Variants in GZMA observed in about 807,000 individuals in gnomAD.
GZMA encodes granzyme A, also known as CTL tryptase.
Under a neutral mutation model 21.1 loss-of-function variants are expected in GZMA, and 17 were observed. That is an observed-to-expected ratio of 0.81 (90% CI 0.55 to 1.21). GZMA has a LOEUF of 1.21. Among genes scored for constraint, GZMA ranks in the 50% most tolerant of loss-of-function variants. The pLI, the probability that GZMA is intolerant of heterozygous loss-of-function variation, is 0.00. For missense variants in GZMA, 306 were observed against 315.9 expected (o/e 0.97, Z 0.24); for synonymous variants, 90 against 107.8 (o/e 0.83, Z 1.03).
chr5:55,105,546 T>C lies in GZMA; in HGVS notation c.143T>C (p.Leu48Pro). The C allele has an allele frequency of 6.2e-7, 1 of 1,613,118 alleles. No individual in the cohort carries two copies. The highest frequency in any genetic ancestry group is 8.5e-7 in the Non-Finnish European group (1 of 1,179,126). ...HSRPYMVLLS[L>P]DRKTICAGAL... ...AGACCCTACATGGTCCTACTTAGTC[T>C]TGACAGAAAAACCATCTGTGCTGGG... The change falls in exon 2 of 5, where the codon CTT (leucine) becomes CCT (proline). Residue 48 changes from leucine (L) to proline (P), a missense_variant. By Grantham distance (98) the Leu-to-Pro change is moderately conservative. Transcript: ENST00000274306.
chr5:55,107,734 A>G (rs1742437386), intron 2 of GZMA, 60 bp from the exon 3 acceptor site: 1 of 1,366,448 alleles, frequency 7.3e-7, no homozygotes, highest in Non-Finnish European at 1.0e-6. Flanking sequence ...TGATCAGTAT[A>G]TATGCTCAAC....
rs962927734 is a variant in GZMA at position 55,110,044 on chromosome 5, G to T, written c.651G>T (p.Leu217Phe). The part of the protein sequence containing the change: ...SCNGDSGSPL[L>F]CEGVFRGVTS... ...AGGGAGATTCTGGAAGCCCTTTGTT[G>T]TGCGAGGGTGTTTTCCGAGGGGTCA... is the stretch of plus-strand genomic sequence containing the variant. Residue 217 changes from leucine to phenylalanine, a missense_variant, in exon 5 of 5, where the codon TTG becomes TTT. Leu to Phe is a conservative substitution (Grantham distance 22, BLOSUM62 0). Transcript: ENST00000274306. The T allele has an allele frequency of 1.2e-6, 2 of 1,611,174 alleles. No homozygotes were observed. Among genetic ancestry groups the T allele is most frequent in the Non-Finnish European group, 1.7e-6 (2 of 1,178,780 alleles).
chr5:55,102,949 C>T (rs1273991366), intron 1 of GZMA, among the ~76,000 whole-genome samples, 197 bp downstream of exon 1: 1 of 151,768 alleles, frequency 6.6e-6, no homozygotes, highest in African/African-American at 2.4e-5. Flanking sequence ...ATCACTTGAG[C>T]GCAGGAGTTT....
chr5:55,105,385 A>G (rs892292881), intron 1 of GZMA, 89 bp from the exon 2 acceptor site: 2 of 1,187,124 alleles, frequency 1.7e-6, no homozygotes, highest in Non-Finnish European at 2.4e-6. Flanking sequence ...CTCTGAGTGC[A>G]AAAAGCATGG....
At chr5:55,103,680 C>G (rs1006192066) in intron 1 of GZMA, among the ~76,000 whole-genome samples, 6 of 152,158 alleles carry the variant, frequency 3.9e-5, no homozygotes, top group Non-Finnish European at 8.8e-5. Context: ...ATGTAATAAC[C>G]TGCCTTGCCA....
At chr5:55,107,356 T>C (rs893405120) in intron 2 of GZMA, among the ~76,000 whole-genome samples, 11 of 152,194 alleles carry the variant, frequency 7.2e-5, no homozygotes, top group Non-Finnish European at 1.5e-4. Flanking sequence ...TTTGAGTTTG[T>C]TGTTTTCTTG....
chr5:55,107,025 C>T (rs763216429), intron 2 of GZMA, among the ~76,000 whole-genome samples: 6 of 152,018 alleles, frequency 3.9e-5, no homozygotes, highest in Admixed American at 6.5e-5. Context: ...TTTTTATTGA[C>T]ATATAATAGT....
chr5:55,105,751 T>A, intron 2 of GZMA, 133 bp downstream of exon 2: 1 of 710,452 alleles, frequency 1.4e-6, no homozygotes, highest in Non-Finnish European at 2.4e-6. Context: ...GGCAGGTGGA[T>A]CACATGAGGT....
chr5:55,108,839 G>C (rs1742457415), intron 4 of GZMA, among the ~76,000 whole-genome samples: 2 of 152,126 alleles, frequency 1.3e-5, no homozygotes, highest in African/African-American at 4.8e-5. Context: ...TGAAATGTCT[G>C]TCAAGCCTGG....
rs1580329433 is a variant in GZMA at position 55,107,917 on chromosome 5, T to C, written c.339T>C (p.Gly113=). The C allele has an allele frequency of 1.2e-6, 2 of 1,613,328 alleles. No homozygotes were observed. Among genetic ancestry groups the C allele is most frequent in the Non-Finnish European group, 1.7e-6 (2 of 1,179,466 alleles). ...GCTATGACCCAGCCACACGCGAAGG[T>C]GACCTTAAACTTTTACAGGTACGTA... The part of the protein sequence containing the change: ...YPCYDPATRE[G]DLKLLQLMEK... The change falls in exon 3 of 5, where the codon GGT becomes GGC. Residue 113 remains glycine (G), a synonymous_variant. Transcript: ENST00000274306.
intron 1 of GZMA, among the ~76,000 whole-genome samples, chr5:55,104,979 G>T (rs1303117182): frequency 6.6e-6 from 1 of 152,208 alleles, no homozygotes; most frequent in Non-Finnish European, 1.5e-5. Context: ...GGACTGAGGG[G>T]TAGGGTCACA....
intron 1 of GZMA, among the ~76,000 whole-genome samples, chr5:55,103,740 T>TATG (rs1458016554): frequency 6.6e-6 from 1 of 152,150 alleles, no homozygotes; most frequent in African/African-American, 2.4e-5. Context: ...ATATCTGGTT[T>TATG]ATGCACCTAA....
intron 4 of GZMA, among the ~76,000 whole-genome samples, chr5:55,108,622 T>C (rs948830286): frequency 3.9e-5 from 6 of 152,194 alleles, no homozygotes; most frequent in African/African-American, 1.4e-4. Context: ...ACCTACTACA[T>C]ATTTTTGATT....
rs532641156 is a variant in GZMA, at chr5:55,105,042, GT to G, written c.71-430del. Among the ~76,000 whole-genome samples, 542 of 152,308 alleles carry G rather than the reference GT, an allele frequency of 3.6e-3. 3 individuals carry two copies. The highest frequency in any genetic ancestry group is 0.013 in the African/African-American group (521 of 41,556). On this transcript the variant is annotated intron_variant, in intron 1 of 4. Transcript: ENST00000274306. ...AGCTATATTTTTGCAATGGCTTGGG[GT>G]TAAAAGGGAAGTTATGAGGCTTCTA...
At chr5:55,104,869 T>C (rs1742358294) in intron 1 of GZMA, among the ~76,000 whole-genome samples, 1 of 152,210 alleles carries the variant, frequency 6.6e-6, no homozygotes, top group Non-Finnish European at 1.5e-5. Context: ...ACCCCATGGT[T>C]TGGTCTAGAG....
At chr5:55,104,499 T>TA (rs1742351590) in intron 1 of GZMA, among the ~76,000 whole-genome samples, 1 of 152,198 alleles carries the variant, frequency 6.6e-6, no homozygotes, top group Admixed American at 6.5e-5. Context: ...CATCAAATCT[T>TA]ACGAAAGGCT....
rs1485910295 is a variant in GZMA, at chr5:55,107,871, A to T, written c.293A>T (p.Lys98Met). ...CCAACAAAACAGATAATGCTTGTTA[A>T]GAAAGAGTTTCCCTATCCATGCTAT... ...EEPTKQIMLV[K>M]KEFPYPCYDP... The change falls in exon 3 of 5, where the codon AAG (lysine) becomes ATG (methionine). Residue 98 changes from lysine (K) to methionine (M), a missense_variant. Lys to Met is a moderately conservative substitution (Grantham distance 95, BLOSUM62 -1). Transcript: ENST00000274306. 1 of 1,613,186 alleles carries T rather than the reference A, an allele frequency of 6.2e-7. No individual in the cohort carries two copies. Among genetic ancestry groups the T allele is most frequent in the South Asian group, 1.1e-5 (1 of 91,058 alleles).
At chr5:55,109,460 C>G (rs1430777010) in intron 4 of GZMA, among the ~76,000 whole-genome samples, 1 of 152,136 alleles carries the variant, frequency 6.6e-6, no homozygotes, top group African/African-American at 2.4e-5. Flanking sequence ...ATGAATTAAA[C>G]CTAAAGGACT....
rs1742325151 is a variant in GZMA, at chr5:55,102,722, G to GT, written c.42dup (p.Val15CysfsTer9). On this transcript the variant is annotated frameshift_variant, in exon 1 of 5. Coordinates refer to ENST00000274306, the MANE Select transcript of GZMA (RefSeq NM_006144.4). LOFTEE classifies it high-confidence loss of function. ...TAGATTTCTGGCATCCTCTCTCTCA[G>GT]TTGTCGTTTCTCTCCTGCTAATTCC... 6.2e-7 allele frequency: 1 copy of GT among 1,610,104 alleles called. No individual in the cohort carries two copies. Among genetic ancestry groups the GT allele is most frequent in the Admixed American group, 1.7e-5 (1 of 59,978 alleles).
Sources: gnomAD v4.1 joint callset for allele counts (sites outside exome capture counted in the v4.1 genomes callset) on GRCh38, gnomAD v4.1.1 for gene constraint, MANE v1.5 for transcripts, NCBI Gene and HGNC (gene_info 2026-07-23, HGNC 2026-07-21) for gene names.